The following WWOX variants were observed in gnomAD, a reference collection of about 807,000 sequenced individuals.
The protein encoded by WWOX is WW domain-containing oxidoreductase.
WWOX carries 69 observed loss-of-function variants against 46.2 expected under a neutral mutation model. The ratio of observed to expected loss-of-function variants is 1.49; its 90% CI spans 1.23 to 1.82. The LOEUF is 1.82. WWOX is among the 40% of genes most tolerant of loss of function. WWOX has a pLI of 0.00. For missense variants in WWOX, 919 were observed against 542.6 expected, an observed-to-expected ratio of 1.69 and a Z score of -6.89; for synonymous variants, 359 against 202.6, an observed-to-expected ratio of 1.77 and a Z score of -6.56.
At chr16:78,865,805 G>T (rs971667923) in intron 8 of WWOX, among the ~76,000 whole-genome samples, 2 of 152,168 alleles carry the variant, frequency 1.3e-5, no homozygotes, top group Non-Finnish European at 2.9e-5. Flanking sequence ...ACTTGAACTC[G>T]GAAGGCAGAG....
intron 2 of WWOX, 52 bp downstream of exon 2, chr16:78,108,539 G>T (rs749181083): frequency 1.3e-6 from 2 of 1,597,876 alleles, no homozygotes; most frequent in East Asian, 4.5e-5. Context: ...AGTAGATGAG[G>T]AAATGTCACT....
intron 8 of WWOX, among the ~76,000 whole-genome samples, chr16:78,828,642 A>G (rs2051727881): frequency 6.6e-6 from 1 of 152,192 alleles, no homozygotes; most frequent in Admixed American, 6.5e-5. Flanking sequence ...ATCTATCATT[A>G]TTTACAAAAC....
intron 8 of WWOX, among the ~76,000 whole-genome samples, chr16:79,085,101 A>T (rs545864316): frequency 1.7e-4 from 26 of 152,170 alleles, no homozygotes; most frequent in African/African-American, 6.3e-4. Context: ...ATACACTTAA[A>T]TATACATATA....
At chr16:78,602,541 T>C (rs2045646265) in intron 8 of WWOX, among the ~76,000 whole-genome samples, 1 of 152,192 alleles carries the variant, frequency 6.6e-6, no homozygotes, top group Non-Finnish European at 1.5e-5. Flanking sequence ...CTCTTCTCGA[T>C]AGATCTTATT....
At chr16:78,532,551 C>T (rs996322386) in intron 8 of WWOX, among the ~76,000 whole-genome samples, 1 of 152,078 alleles carries the variant, frequency 6.6e-6, no homozygotes, top group Non-Finnish European at 1.5e-5. Flanking sequence ...TAACAAAAGA[C>T]TGTATTAGTC....
intron 8 of WWOX, among the ~76,000 whole-genome samples, chr16:78,883,081 C>G (rs866042706): frequency 6.6e-6 from 1 of 152,078 alleles, no homozygotes; most frequent in African/African-American, 2.4e-5. Flanking sequence ...TTGAGTGGGC[C>G]CAGGGTCCAG....
rs1491500877 is a variant in WWOX at position 78,229,504 on chromosome 16, ATC to A, written c.516+65217_516+65218del. Among the ~76,000 whole-genome samples, 487 of 103,018 alleles carry A rather than the reference ATC, an allele frequency of 4.7e-3. 6 individuals carry two copies. Among genetic ancestry groups the A allele is most frequent in the African/African-American group, 0.015 (467 of 30,530 alleles). 67.6% of individuals were successfully genotyped at this position (103,018 alleles called of 152,430 possible). A position where few individuals can be genotyped will look rare whatever the true frequency, so the allele number is the denominator to read the frequency against. ...TATATCTGTATATATATTTATCTAT[ATC>A]TATATAGAGATATATATATATATAT... On this transcript the variant is annotated intron_variant, in intron 5 of 8. Coordinates refer to ENST00000566780, the MANE Select transcript of WWOX (RefSeq NM_016373.4).
chr16:78,922,358 A>G (rs1315584596), intron 8 of WWOX, among the ~76,000 whole-genome samples: 1 of 150,246 alleles, frequency 6.7e-6, no homozygotes, highest in Non-Finnish European at 1.5e-5. Context: ...TTTCAGGAAT[A>G]TATTCTGCAT....
At chr16:78,374,527 ATTTTTTTTTTTTTTTTTTT>A (rs541225697) in intron 5 of WWOX, among the ~76,000 whole-genome samples, 16 of 70,900 alleles carry the variant, frequency 2.3e-4, no homozygotes, top group East Asian at 1.6e-3. Context: ...TCTGTCTTGA[ATTTTTTTTTTTTTTTTTTT>A]TTTTTTTTTT....
intron 8 of WWOX, among the ~76,000 whole-genome samples, chr16:79,037,210 C>G (rs908117640): frequency 1.3e-5 from 2 of 152,144 alleles, no homozygotes; most frequent in Non-Finnish European, 2.9e-5. Flanking sequence ...CTGTAATTGC[C>G]AACAGTAATT....
At chr16:79,057,335 A>T (rs2048281614) in intron 8 of WWOX, among the ~76,000 whole-genome samples, 1 of 152,204 alleles carries the variant, frequency 6.6e-6, no homozygotes, top group African/African-American at 2.4e-5. Flanking sequence ...TAGAATTTGG[A>T]TGCAATTGCC....
At chr16:78,914,861 A>G (rs2151260596) in intron 8 of WWOX, among the ~76,000 whole-genome samples, 1 of 140,624 alleles carries the variant, frequency 7.1e-6, no homozygotes, top group East Asian at 2.3e-4. Flanking sequence ...CCCGGGTGAC[A>G]GAGCGAGACT....
At chr16:78,527,655 C>T (rs562660228) in intron 8 of WWOX, among the ~76,000 whole-genome samples, 1 of 152,300 alleles carries the variant, frequency 6.6e-6, no homozygotes, top group African/African-American at 2.4e-5. Flanking sequence ...TCCTACTATG[C>T]ACCTTACAGC....
chr16:78,137,283 A>C (rs117997121), intron 4 of WWOX, among the ~76,000 whole-genome samples: 2,430 of 152,152 alleles, frequency 0.016, 34 homozygotes, highest in Middle Eastern at 0.034. Flanking sequence ...GTGAATCCTC[A>C]CCCTCCGATA....
At chr16:78,731,904 G>A (rs185776723) in intron 8 of WWOX, among the ~76,000 whole-genome samples, 4 of 145,648 alleles carry the variant, frequency 2.7e-5, no homozygotes, top group African/African-American at 1.0e-4. Context: ...CTGGAGTGCA[G>A]TGGTGCCTTC....
chr16:79,193,808 T>G (rs1195990175), intron 8 of WWOX, among the ~76,000 whole-genome samples: 1 of 152,098 alleles, frequency 6.6e-6, no homozygotes, highest in African/African-American at 2.4e-5. Context: ...GGGGAGAAGC[T>G]GAATCAGTAG....
chr16:78,613,703 G>T (rs1420962435), intron 8 of WWOX, among the ~76,000 whole-genome samples: 1 of 152,184 alleles, frequency 6.6e-6, no homozygotes, highest in Non-Finnish European at 1.5e-5. Flanking sequence ...CTGGAGGAAG[G>T]CCCCAGCTCT....
At chr16:78,693,959 G>A (rs975679621) in intron 8 of WWOX, among the ~76,000 whole-genome samples, 3 of 152,146 alleles carry the variant, frequency 2.0e-5, no homozygotes, top group South Asian at 2.1e-4. Flanking sequence ...ACGTCTGGAC[G>A]TGGTGGCTCA....
At chr16:78,777,244 G>A (rs928672121) in intron 8 of WWOX, among the ~76,000 whole-genome samples, 1 of 151,950 alleles carries the variant, frequency 6.6e-6, no homozygotes, top group African/African-American at 2.4e-5. Flanking sequence ...AGAAGACAGT[G>A]ACATTTCCTC....
Sources: allele counts gnomAD v4.1 joint callset (sites outside exome capture counted in the v4.1 genomes callset), GRCh38; gene constraint gnomAD v4.1.1; transcripts MANE v1.5; gene names NCBI Gene and HGNC (gene_info 2026-07-23, HGNC 2026-07-21).